The following NRXN1 variants were observed in gnomAD, a reference collection of about 807,000 sequenced individuals.
NRXN1 encodes the protein neurexin 1.
A neutral mutation model predicts 150.9 loss-of-function variants in NRXN1; 39 were observed. The observed-to-expected ratio is 0.26, with a 90% CI of 0.20 to 0.34. The LOEUF is 0.34. NRXN1 is among the 10% of genes least tolerant of loss of function. NRXN1 has a pLI of 1.00. For missense variants in NRXN1, 1,815 were observed against 1,949.9 expected (o/e 0.93, Z 1.30); for synonymous variants, 924 against 757.0 (o/e 1.22, Z -3.62).
chr2:50,380,579 T>C (rs890013462), intron 17 of NRXN1, among the ~76,000 whole-genome samples: 6 of 152,094 alleles, frequency 3.9e-5, no homozygotes, highest in Non-Finnish European at 7.4e-5. Flanking sequence ...TGTTTTCTCA[T>C]CCATAAAGTG....
chr2:50,944,350 T>G (rs1234719961), intron 2 of NRXN1, among the ~76,000 whole-genome samples: 1 of 152,160 alleles, frequency 6.6e-6, no homozygotes, highest in African/African-American at 2.4e-5. Flanking sequence ...CTCTCTAATG[T>G]GACACTGGGA....
chr2:50,648,254 T>C (rs913090855), intron 5 of NRXN1, among the ~76,000 whole-genome samples: 2 of 152,094 alleles, frequency 1.3e-5, no homozygotes, highest in African/African-American at 4.8e-5. Flanking sequence ...CTGTATTTTT[T>C]AACAATGTTT....
chr2:50,428,073 A>G (rs1181857382), intron 17 of NRXN1, among the ~76,000 whole-genome samples: 1 of 152,058 alleles, frequency 6.6e-6, no homozygotes, highest in Non-Finnish European at 1.5e-5. Context: ...CTCAGGCCCA[A>G]ATTCTTTAGG....
At chr2:50,951,377 C>T (rs1448496051) in intron 2 of NRXN1, among the ~76,000 whole-genome samples, 1 of 152,118 alleles carries the variant, frequency 6.6e-6, no homozygotes, top group Non-Finnish European at 1.5e-5. Flanking sequence ...GTACAGTATG[C>T]TCATTGAGCT....
intron 5 of NRXN1, among the ~76,000 whole-genome samples, chr2:50,780,079 A>G (rs917785598): frequency 6.6e-6 from 1 of 152,252 alleles, no homozygotes; most frequent in South Asian, 2.1e-4. Context: ...GTGAGATGGT[A>G]TCTCATTGTG....
intron 18 of NRXN1, among the ~76,000 whole-genome samples, chr2:50,143,449 C>T (rs1707555356): frequency 6.6e-6 from 1 of 151,832 alleles, no homozygotes; most frequent in African/African-American, 2.4e-5. Context: ...GGCTGGAAGA[C>T]ACTAATTTAT....
intron 17 of NRXN1, among the ~76,000 whole-genome samples, chr2:50,276,896 G>C (rs1387837189): frequency 6.6e-6 from 1 of 152,042 alleles, no homozygotes; most frequent in Non-Finnish European, 1.5e-5. Flanking sequence ...CTATAAATGA[G>C]GTCTCTTTGG....
At chr2:50,963,234 T>C (rs1693492098) in intron 2 of NRXN1, among the ~76,000 whole-genome samples, 2 of 151,552 alleles carry the variant, frequency 1.3e-5, no homozygotes, top group Non-Finnish European at 3.0e-5. Flanking sequence ...AAGATTGTTC[T>C]GATGTTAAAA....
At position 50,658,411 on chromosome 2, in the gene NRXN1, G is replaced by GGTGTCTGTGTGTGTGT. The variant is rs1553935218; in HGVS notation, c.833-34797_833-34796insACACACACACAGACAC. Among the ~76,000 whole-genome samples, 3 of 144,780 alleles carry GGTGTCTGTGTGTGTGT rather than the reference G, an allele frequency of 2.1e-5. No homozygotes were observed. In the East Asian group the frequency reaches 6.3e-4, roughly 30 times the overall value. 95.0% of individuals were successfully genotyped at this position (144,780 alleles called of 152,430 possible). On this transcript the variant is annotated intron_variant, in intron 5 of 22. Coordinates refer to ENST00000401669, the MANE Select transcript of NRXN1 (RefSeq NM_001330078.2). ...TTAATTTACAGGAAATGCATTCACT[G>GGTGTCTGTGTGTGTGT]GTGTGTGTGTGTGTGTGTGTGTGTG...
intron 19 of NRXN1, among the ~76,000 whole-genome samples, chr2:50,068,001 C>T (rs893183324): frequency 2.0e-5 from 3 of 151,940 alleles, no homozygotes; most frequent in Admixed American, 6.6e-5. Context: ...AATTGGTCCA[C>T]GGAAAAAAAG....
At chr2:50,841,084 T>C (rs1304060139) in intron 5 of NRXN1, 3 of 152,642 alleles carry the variant, frequency 2.0e-5, no homozygotes, top group Non-Finnish European at 4.4e-5. Flanking sequence ...AAATAACTTC[T>C]ATGCTCATTT....
In NRXN1 at chr2:50,072,527, A is replaced by AT. The variant is rs1170439716; in HGVS notation, c.3719-17484dup. Among the ~76,000 whole-genome samples the AT allele has an allele frequency of 4.4e-3, 426 of 96,848 alleles. 3 individuals carry two copies. The highest frequency in any genetic ancestry group is 0.015 in the African/African-American group (387 of 26,208). 63.5% of individuals were successfully genotyped at this position (96,848 alleles called of 152,430 possible). On this transcript the variant is annotated intron_variant, in intron 19 of 22. Coordinates refer to ENST00000401669, the MANE Select transcript of NRXN1 (RefSeq NM_001330078.2). ...TTTATCCTTAGGAACTGCCTAAGAA[A>AT]TTTAAAAAAAAAAAAAGAAAAAGTG...
intron 19 of NRXN1, among the ~76,000 whole-genome samples, chr2:50,078,164 T>G (rs566816912): frequency 6.6e-6 from 1 of 152,076 alleles, no homozygotes; most frequent in East Asian, 1.9e-4. Context: ...AGTTACACCT[T>G]TGGATTGTTA....
Position 50,744,009 on chromosome 2 carries a change from T to C in NRXN1, c.833-120394A>G, listed in dbSNP as rs1036128763. ...CAAACTGTAATCCTTATAAACACCA[T>C]AACTATGCAGGGTGGAATTATCACC... On this transcript the variant is annotated intron_variant, in intron 5 of 22. Coordinates refer to ENST00000401669, the MANE Select transcript of NRXN1 (RefSeq NM_001330078.2). 3.9e-5 allele frequency among the ~76,000 whole-genome samples: 6 copies of C among 152,106 alleles called. No individual in the cohort carries two copies. In the East Asian group the frequency reaches 1.2e-3, roughly 29 times the overall value.
chr2:50,817,659 T>C (rs1036895025), intron 5 of NRXN1, among the ~76,000 whole-genome samples: 2 of 152,002 alleles, frequency 1.3e-5, no homozygotes, highest in Non-Finnish European at 2.9e-5. Flanking sequence ...TCATACATCA[T>C]GACGAAGAGG....
At chr2:49,926,276 A>C (rs1187638140) in intron 22 of NRXN1, 1 of 398,214 alleles carries the variant, frequency 2.5e-6, no homozygotes, top group Non-Finnish European at 4.4e-6. Flanking sequence ...TTGCACTTAT[A>C]AAGCATGTTA....
intron 17 of NRXN1, among the ~76,000 whole-genome samples, chr2:50,376,914 C>T (rs898660183): frequency 4.0e-5 from 6 of 151,718 alleles, no homozygotes; most frequent in Non-Finnish European, 1.5e-5. Context: ...CACCGCTCTG[C>T]GCTTCTGTTC....
chr2:50,816,928 A>C (rs572064943), intron 5 of NRXN1, among the ~76,000 whole-genome samples: 13 of 152,214 alleles, frequency 8.5e-5, no homozygotes, highest in African/African-American at 3.1e-4. Context: ...TTTTAACACT[A>C]TTACTAAATT....
chr2:50,895,515 T>C (rs963757509), intron 5 of NRXN1, among the ~76,000 whole-genome samples: 5 of 152,060 alleles, frequency 3.3e-5, no homozygotes, highest in African/African-American at 1.2e-4. Flanking sequence ...AATGAGTGGG[T>C]CACTATAAAT....
Sources: allele counts gnomAD v4.1 joint callset (sites outside exome capture counted in the v4.1 genomes callset), GRCh38; gene constraint gnomAD v4.1.1; transcripts MANE v1.5; gene names NCBI Gene and HGNC (gene_info 2026-07-23, HGNC 2026-07-21).